The following VWA8 variants were observed in gnomAD, a reference collection of about 807,000 sequenced individuals.
VWA8 encodes von Willebrand factor A domain-containing protein 8.
A neutral mutation model predicts 241.5 loss-of-function variants in VWA8; 221 were observed. The ratio of observed to expected loss-of-function variants is 0.91; its 90% CI spans 0.82 to 1.02. The LOEUF is 1.02. VWA8 is among the 50% of genes least tolerant of loss of function. The pLI is 0.00. For missense variants in VWA8, 2,322 were observed against 2,328.7 expected (o/e 1.00, Z 0.06); for synonymous variants, 852 against 827.1 (o/e 1.03, Z -0.52).
chr13:41,835,068 C>G (rs938298965), intron 12 of VWA8, among the ~76,000 whole-genome samples: 2 of 152,108 alleles, frequency 1.3e-5, no homozygotes, highest in Admixed American at 6.5e-5. Context: ...ACAACACACA[C>G]TGGGGCCTGT....
At position 41,671,141 on chromosome 13, in the gene VWA8, T is replaced by C. The variant is rs185503998; in HGVS notation, c.4416A>G (p.Glu1472=). The change falls in exon 37 of 45, where the codon GAA becomes GAG. Residue 1472 remains glutamate (E), a synonymous_variant. Transcript: ENST00000379310. ...GCCATGTGGTATACGGCGAGAGAGA[T>C]TCTGATCTGGAAAAAGGAATCCAAG... ...KLRYIPIPRS[E]SLSPYTTWLS... is the part of the protein sequence containing the mutation. The C allele has an allele frequency of 4.2e-5, 67 of 1,613,626 alleles. No homozygotes were observed. In the African/African-American group the frequency reaches 8.8e-4, roughly 21 times the overall value.
intron 12 of VWA8, among the ~76,000 whole-genome samples, chr13:41,851,929 T>C (rs1872545795): frequency 6.6e-6 from 1 of 152,192 alleles, no homozygotes; most frequent in Non-Finnish European, 1.5e-5. Flanking sequence ...CTGACTTTAT[T>C]TCCTTTGTAT....
chr13:41,816,553 T>C (rs1870702093), intron 16 of VWA8, 145 bp downstream of exon 16: 1 of 663,438 alleles, frequency 1.5e-6, no homozygotes, highest in Non-Finnish European at 2.5e-6. Flanking sequence ...GAGTAAACCA[T>C]ATGCATAGAA....
chr13:41,635,577 G>T (rs1489072530), intron 37 of VWA8, among the ~76,000 whole-genome samples: 1 of 152,186 alleles, frequency 6.6e-6, no homozygotes, highest in East Asian at 1.9e-4. Flanking sequence ...TCTGCTAGAT[G>T]CTGAGGATAC....
chr13:41,629,725 T>G (rs770538948), intron 37 of VWA8, among the ~76,000 whole-genome samples: 10 of 152,218 alleles, frequency 6.6e-5, no homozygotes, highest in Non-Finnish European at 1.5e-4. Flanking sequence ...CCAGTTTTCA[T>G]TAATAACCAG....
At chr13:41,702,760 C>T (rs915215073) in intron 27 of VWA8, among the ~76,000 whole-genome samples, 1 of 152,168 alleles carries the variant, frequency 6.6e-6, no homozygotes, top group Non-Finnish European at 1.5e-5. Flanking sequence ...TACTGTGCTG[C>T]CCTCAGCAGC....
At chr13:41,949,588 G>C (rs957734728) in intron 2 of VWA8, among the ~76,000 whole-genome samples, 1 of 151,616 alleles carries the variant, frequency 6.6e-6, no homozygotes, top group Non-Finnish European at 1.5e-5. Context: ...ACAAACCTGC[G>C]TGTACTGCAC....
rs141912475 is a variant in VWA8, at chr13:41,942,391, C to G, written c.241+7545G>C. Among the ~76,000 whole-genome samples, 93 of 152,214 alleles carry G rather than the reference C, an allele frequency of 6.1e-4. No individual in the cohort carries two copies. In the East Asian group the frequency reaches 0.017, roughly 27 times the overall value. On this transcript the variant is annotated intron_variant, in intron 2 of 44. Transcript: ENST00000379310. ...TCACACAGCTAACAAAACAAAGAAG[C>G]CTACATGAACTAAATTCTAGAAAAG...
chr13:41,862,306 T>G (rs1873042428), intron 12 of VWA8, among the ~76,000 whole-genome samples: 1 of 152,072 alleles, frequency 6.6e-6, no homozygotes, highest in African/African-American at 2.4e-5. Context: ...TCAAAATAGG[T>G]TAGAGACTTA....
At chr13:41,824,549 T>C (rs967911257) in intron 14 of VWA8, among the ~76,000 whole-genome samples, 1 of 152,040 alleles carries the variant, frequency 6.6e-6, no homozygotes, top group Non-Finnish European at 1.5e-5. Flanking sequence ...GTATATTGGA[T>C]GGGTGCAGTG....
intron 4 of VWA8, among the ~76,000 whole-genome samples, chr13:41,902,917 A>G (rs1478668368): frequency 2.0e-5 from 3 of 152,114 alleles, no homozygotes; most frequent in East Asian, 3.8e-4. Context: ...GAAAATCCCA[A>G]ACTTTCTCCC....
rs148215552 is a variant in VWA8, at chr13:41,739,515, T to C, written c.2427-7360A>G. The stretch of plus-strand genomic sequence containing the variant: ...ATACTCTAATCCATGAATTATTTTA[T>C]TCTCATTTTGGTTGTTCATCAAACA... On this transcript the variant is annotated intron_variant, in intron 21 of 44. Coordinates refer to ENST00000379310, the MANE Select transcript of VWA8 (RefSeq NM_015058.2). 3.2e-4 allele frequency among the ~76,000 whole-genome samples: 49 copies of C among 152,352 alleles called. 1 individual carries two copies. The East Asian group carries it at 8.9e-3, about 28-fold the overall frequency.
At chr13:41,818,258 T>C (rs61963087) in intron 15 of VWA8, among the ~76,000 whole-genome samples, 107,579 of 148,596 alleles carry the variant, frequency 0.72, 39,878 homozygotes, top group East Asian at 0.89. Flanking sequence ...CCACCGCACC[T>C]GGCCGAATTT....
intron 2 of VWA8, among the ~76,000 whole-genome samples, chr13:41,914,160 T>C (rs1402679919): frequency 6.6e-6 from 1 of 152,132 alleles, no homozygotes; most frequent in Non-Finnish European, 1.5e-5. Context: ...GCCACTGCAC[T>C]CCAGCCTGGG....
At chr13:41,770,095 T>C (rs969777274) in intron 20 of VWA8, among the ~76,000 whole-genome samples, 1 of 152,042 alleles carries the variant, frequency 6.6e-6, no homozygotes, top group Non-Finnish European at 1.5e-5. Flanking sequence ...AGAGGCACCA[T>C]ATGAGGCAAA....
intron 26 of VWA8, among the ~76,000 whole-genome samples, chr13:41,713,409 T>C (rs553161042): frequency 6.6e-6 from 1 of 152,342 alleles, no homozygotes; most frequent in South Asian, 2.1e-4. Flanking sequence ...GAACCTATTA[T>C]ATTTAATAAA....
At position 41,891,561 on chromosome 13, in the gene VWA8, G is replaced by C. The variant is rs1367059394; in HGVS notation, c.510C>G (p.Gly170=). 7 of 1,613,996 alleles carry C rather than the reference G, an allele frequency of 4.3e-6. No homozygotes were observed. The highest frequency in any genetic ancestry group is 5.1e-6 in the Non-Finnish European group (6 of 1,180,016). The stretch of plus-strand genomic sequence containing the variant: ...CCAAACCTTCCAAAATGAGAGTTCT[G>C]CCTTCTGTGGCTGCACGAACTGCAC... ...DQCAVRAATE[G]RTLILEGLEK... is the part of the protein sequence containing the mutation. Residue 170 remains glycine (G), a synonymous_variant, in exon 5 of 45, where the codon GGC becomes GGG. Coordinates refer to ENST00000379310, the MANE Select transcript of VWA8 (RefSeq NM_015058.2).
intron 1 of VWA8, among the ~76,000 whole-genome samples, chr13:41,956,939 T>C (rs897113206): frequency 6.6e-6 from 1 of 152,200 alleles, no homozygotes; most frequent in African/African-American, 2.4e-5. Flanking sequence ...AAAAAATGTA[T>C]CTGTATAAAT....
rs527817689 is a variant in VWA8 at position 41,602,615 on chromosome 13, G to A, written c.4986+2553C>T. On this transcript the variant is annotated intron_variant, in intron 40 of 44. Transcript: ENST00000379310. ...ACTGGGTACCTGGCCTGTAATCCAG[G>A]CTGATAAATCTTAGCAAGTACAATG... Among the ~76,000 whole-genome samples, 29 of 152,244 alleles carry A rather than the reference G, an allele frequency of 1.9e-4. No homozygotes were observed. The East Asian group carries it at 3.9e-3, about 20-fold the overall frequency.
Sources: allele counts gnomAD v4.1 joint callset (sites outside exome capture counted in the v4.1 genomes callset), GRCh38; gene constraint gnomAD v4.1.1; transcripts MANE v1.5; gene names NCBI Gene and HGNC (gene_info 2026-07-23, HGNC 2026-07-21).